TNRC6B: variants seen among roughly 807,000 people sequenced by gnomAD.
TNRC6B encodes the protein trinucleotide repeat-containing gene 6B protein.
In TNRC6B, 52 loss-of-function variants were observed where a neutral mutation model predicts 203.6. The ratio of observed to expected loss-of-function variants is 0.26; its 90% CI spans 0.20 to 0.32. TNRC6B has a LOEUF of 0.32. Among genes scored for constraint, TNRC6B ranks in the 10% least tolerant of loss-of-function variants. The pLI is 1.00. For missense variants in TNRC6B, 1,923 were observed against 2,286.2 expected (o/e 0.84, Z 3.24); for synonymous variants, 838 against 845.7 (o/e 0.99, Z 0.16).
chr22:40,280,448 C>T (rs1178704674), intron 10 of TNRC6B, among the ~76,000 whole-genome samples: 1 of 152,204 alleles, frequency 6.6e-6, no homozygotes. Context: ...TGTGCAGCTA[C>T]AAAATAAATT....
chr22:40,147,778 A>G (rs1402325687), intron 3 of TNRC6B, among the ~76,000 whole-genome samples: 3 of 152,212 alleles, frequency 2.0e-5, no homozygotes, highest in Non-Finnish European at 4.4e-5. Flanking sequence ...AAAACACCAC[A>G]TATTATGTCA....
rs538939557 is a variant in TNRC6B at position 40,128,564 on chromosome 22, C to T, written c.45+2702C>T. Among the ~76,000 whole-genome samples the T allele has an allele frequency of 4.6e-5, 7 of 151,664 alleles. No individual in the cohort carries two copies. The South Asian group carries it at 6.2e-4, about 14-fold the overall frequency. ...ATCACGGCTCACGGCTCACGGCTCA[C>T]GGCTCACGGCTCACAGCTCACAGCT... On this transcript the variant is annotated intron_variant, in intron 3 of 23. Transcript: ENST00000301923.
intron 1 of TNRC6B, among the ~76,000 whole-genome samples, chr22:40,115,203 T>C (rs1403527706): frequency 1.3e-5 from 2 of 152,220 alleles, no homozygotes; most frequent in Non-Finnish European, 2.9e-5. Context: ...AGACATGTAA[T>C]GAACAACTTT....
chr22:40,276,410 A>G (rs890555970), intron 7 of TNRC6B, among the ~76,000 whole-genome samples: 1 of 151,966 alleles, frequency 6.6e-6, no homozygotes, highest in African/African-American at 2.4e-5. Context: ...ACAAAGCCCC[A>G]GCCCACCCAG....
intron 1 of TNRC6B, among the ~76,000 whole-genome samples, chr22:40,075,416 G>A (rs2068004348): frequency 6.6e-6 from 1 of 151,398 alleles, no homozygotes; most frequent in South Asian, 2.1e-4. Flanking sequence ...TTCTTATCCT[G>A]AAGGCTATAT....
chr22:40,080,538 T>C (rs576185608), intron 1 of TNRC6B, among the ~76,000 whole-genome samples: 1 of 152,282 alleles, frequency 6.6e-6, no homozygotes, highest in Non-Finnish European at 1.5e-5. Context: ...TACAGTGACA[T>C]TGAAGATTAC....
intron 3 of TNRC6B, among the ~76,000 whole-genome samples, chr22:40,145,607 GC>G (rs967820271): frequency 1.3e-5 from 2 of 152,188 alleles, no homozygotes; most frequent in African/African-American, 4.8e-5. Context: ...ACTTTGGGAG[GC>G]TAAGGCAGGC....
Position 40,334,282 on chromosome 22 carries a change from C to T in TNRC6B, c.*11041C>T, listed in dbSNP as rs1003384060. On this transcript the variant is annotated 3_prime_UTR_variant, in exon 23 of 23. Transcript: ENST00000454349. ...AAGACATCAAAAATGGTGCATGCAC[C>T]GTGAATGTGCTCACAGAGACACGTG... 1 of 152,592 alleles carries T rather than the reference C, an allele frequency of 6.6e-6. No individual in the cohort carries two copies. The highest frequency in any genetic ancestry group is 1.5e-5 in the Non-Finnish European group (1 of 68,052). 9.5% of individuals were successfully genotyped at this position (152,592 alleles called of 1,614,324 possible). A position where few individuals can be genotyped will look rare whatever the true frequency, so the allele number is the denominator to read the frequency against.
chr22:40,228,992 GACCTAAGGTGTCCTTTGA>G (rs1462811462), intron 1 of TNRC6B, among the ~76,000 whole-genome samples: 6 of 152,244 alleles, frequency 3.9e-5, no homozygotes, highest in South Asian at 2.1e-4. Flanking sequence ...CTTACATTAA[GACCTAAGGTGTCCTTTGA>G]ACCTAAGGTG....
At chr22:40,143,409 G>T (rs535871805) in intron 3 of TNRC6B, among the ~76,000 whole-genome samples, 123 of 152,078 alleles carry the variant, frequency 8.1e-4, no homozygotes, top group Middle Eastern at 3.4e-3. Flanking sequence ...CTCCAGCCTG[G>T]GTGACAGAAC....
At position 40,321,013 on chromosome 22, in the gene TNRC6B, A is replaced by C. The variant is rs2071327480; in HGVS notation, c.4975-77A>C. 5 of 1,555,506 alleles carry C rather than the reference A, an allele frequency of 3.2e-6. No individual in the cohort carries two copies. In the South Asian group the frequency reaches 5.7e-5, roughly 18 times the overall value. On this transcript the variant is annotated intron_variant, in intron 21 of 22. Coordinates refer to ENST00000454349, the MANE Select transcript of TNRC6B (RefSeq NM_001162501.2). ...AAAATGGGCACACTAGGTCTCAGCC[A>C]GTGCTTTGAATATCTTAAAATGTAC...
intron 6 of TNRC6B, 52 bp downstream of exon 6, chr22:40,270,332 A>G: frequency 8.9e-7 from 1 of 1,122,826 alleles, no homozygotes; most frequent in African/African-American, 1.8e-5. Flanking sequence ...TTTTTTTTTT[A>G]ATTGAGACGG....
intron 13 of TNRC6B, 23 bp from the exon 14 acceptor site, chr22:40,300,887 T>C: frequency 6.2e-7 from 1 of 1,609,108 alleles, no homozygotes; most frequent in Non-Finnish European, 8.5e-7. Context: ...TTTGGTTTTC[T>C]GTCTTTCCCC....
chr22:40,301,126 G>A (rs927849982), intron 14 of TNRC6B, 24 bp from the exon 15 acceptor site: 19 of 1,552,812 alleles, frequency 1.2e-5, no homozygotes, highest in Middle Eastern at 1.7e-4. Flanking sequence ...TGCTTATCAC[G>A]TGTCTGTCTC....
intron 1 of TNRC6B, among the ~76,000 whole-genome samples, chr22:40,089,897 C>T (rs1262536810): frequency 6.6e-6 from 1 of 152,104 alleles, no homozygotes; most frequent in Admixed American, 6.5e-5. Flanking sequence ...TTACTGTCTC[C>T]GTAGATTTTT....
chr22:40,106,541 A>T, intron 1 of TNRC6B: 1 of 734,972 alleles, frequency 1.4e-6, no homozygotes, highest in Non-Finnish European at 2.5e-6. Context: ...AGATCGAGCA[A>T]TCAAAGTGTT....
intron 1 of TNRC6B, among the ~76,000 whole-genome samples, chr22:40,193,519 G>A (rs1353154365): frequency 2.0e-5 from 3 of 152,160 alleles, no homozygotes; most frequent in Non-Finnish European, 4.4e-5. Flanking sequence ...CATTGAAGGC[G>A]TGAGGATGAG....
At chr22:40,241,871 C>T (rs774671619) in intron 1 of TNRC6B, among the ~76,000 whole-genome samples, 18 of 152,164 alleles carry the variant, frequency 1.2e-4, no homozygotes, top group Admixed American at 6.5e-5. Flanking sequence ...TAGTCTCTTA[C>T]TATAATTACT....
Position 40,228,525 on chromosome 22 carries a change from C to CT in TNRC6B, c.6-17478dup, listed in dbSNP as rs907244985. On this transcript the variant is annotated intron_variant, in intron 1 of 22. Transcript: ENST00000454349. ...ATAAGCCCTCGTTGAGAAGCTGTTT[C>CT]TTTTTTTTTTTTGAGACAGAGTCTT... is the stretch of plus-strand genomic sequence containing the variant. Among the ~76,000 whole-genome samples, 397 of 144,596 alleles carry CT rather than the reference C, an allele frequency of 2.7e-3. 2 individuals carry two copies. Among genetic ancestry groups the CT allele is most frequent in the African/African-American group, 5.1e-3 (203 of 39,548 alleles). The allele number at this position is 144,596 out of a possible 152,430, so 94.9% of individuals were successfully genotyped here. A position where few individuals can be genotyped will look rare whatever the true frequency, so the allele number is the denominator to read the frequency against.
Sources: allele counts gnomAD v4.1 joint callset (sites outside exome capture counted in the v4.1 genomes callset), GRCh38; gene constraint gnomAD v4.1.1; transcripts MANE v1.5; gene names NCBI Gene and HGNC (gene_info 2026-07-23, HGNC 2026-07-21).